Variants in XRCC3 observed in about 807,000 individuals in gnomAD.
XRCC3 encodes the protein DNA repair protein XRCC3.
A neutral mutation model predicts 29.2 loss-of-function variants in XRCC3; 34 were observed. That is an observed-to-expected ratio of 1.16 (90% CI 0.88 to 1.55). The LOEUF (loss-of-function observed/expected upper bound fraction) is 1.55. XRCC3 is among the 40% of genes most tolerant of loss of function. XRCC3 has a pLI of 0.00. For synonymous variants in XRCC3, 223 were observed against 211.3 expected (o/e 1.06, Z -0.48); for missense variants, 463 against 467.6 (o/e 0.99, Z 0.09).
chr14:103,701,664 G>A (rs1251341078), intron 7 of XRCC3: 1 of 154,208 alleles, frequency 6.5e-6, no homozygotes, highest in East Asian at 1.9e-4. Flanking sequence ...CACCAGGTCA[G>A]GAGATCGAGA....
At chr14:103,699,225 T>C (rs1332226568) in intron 8 of XRCC3, 46 bp from the exon 9 acceptor site, 7 of 1,543,990 alleles carry the variant, frequency 4.5e-6, no homozygotes, top group Non-Finnish European at 6.1e-6. Flanking sequence ...GAGGGTCTTC[T>C]CGATGGTTAG....
At chr14:103,711,773 C>G in intron 2 of XRCC3, 1 of 452,570 alleles carries the variant, frequency 2.2e-6, no homozygotes, top group Non-Finnish European at 4.4e-6. Context: ...CTCAGCTCTT[C>G]TCCCCTCCGG....
At chr14:103,700,729 T>G in intron 7 of XRCC3, 2 of 1,591,852 alleles carry the variant, frequency 1.3e-6, no homozygotes, top group South Asian at 1.1e-5. Flanking sequence ...ACCGCTAACG[T>G]GAGTCCCACG....
intron 7 of XRCC3, chr14:103,701,360 C>T (rs1043779561): frequency 1.2e-4 from 87 of 734,126 alleles, no homozygotes; most frequent in Middle Eastern, 3.7e-4. Context: ...AATAACCACA[C>T]GGCTGGCGTG....
intron 6 of XRCC3, chr14:103,703,894 G>A (rs1194244055): frequency 6.0e-6 from 1 of 166,736 alleles, no homozygotes. Flanking sequence ...GTGCACTGCC[G>A]CTAGGAATGT....
rs2083630125 is a variant in XRCC3 at position 103,711,540 on chromosome 14, AT to A, written c.-234del. ...GGCATCTCTTGCACTCTGCAGTTTA[AT>A]TTCCCTTAAGTGTCTCCCTGGGGAC... On this transcript the variant is annotated 5_prime_UTR_variant, in exon 3 of 10. The change abolishes the stop of an existing upstream ORF in the 5' untranslated region. Coordinates refer to ENST00000555055, the MANE Select transcript of XRCC3 (RefSeq NM_005432.4). The A allele has an allele frequency of 2.2e-6, 1 of 458,964 alleles. No homozygotes were observed. The highest frequency in any genetic ancestry group is 4.4e-6 in the Non-Finnish European group (1 of 228,930). 28.4% of individuals were successfully genotyped at this position (458,964 alleles called of 1,614,324 possible). A position where few individuals can be genotyped will look rare whatever the true frequency, so the allele number is the denominator to read the frequency against.
rs750457573 is a variant in XRCC3, at chr14:103,698,875, G to A, written c.964C>T (p.His322Tyr). Residue 322 changes from histidine to tyrosine, a missense_variant, in exon 10 of 10, where the codon CAC becomes TAC. Coordinates refer to ENST00000555055, the MANE Select transcript of XRCC3 (RefSeq NM_005432.4). Reference protein sequence around the residue: ...ARTLRVLSAPHLPPSSCSYTI... With the variant: ...ARTLRVLSAPYLPPSSCSYTI... ...TAGGAACAGGAGGAGGGGGGCAGGT[G>A]GGGGGCAGAGAGCACCCGCAGGGTC... 20 of 1,606,504 alleles carry A rather than the reference G, an allele frequency of 1.2e-5. No individual in the cohort carries two copies. Among genetic ancestry groups the A allele is most frequent in the Admixed American group, 1.7e-5 (1 of 59,258 alleles).
At chr14:103,708,755 G>GCTCT in intron 4 of XRCC3, 96 bp from the exon 5 acceptor site, 1 of 1,507,504 alleles carries the variant, frequency 6.6e-7, no homozygotes, top group Non-Finnish European at 9.1e-7. Context: ...CACTGTGAGA[G>GCTCT]CACCGTGCTT....
intron 1 of XRCC3, among the ~76,000 whole-genome samples, chr14:103,715,219 C>T (rs1237154008): frequency 6.6e-6 from 1 of 152,056 alleles, no homozygotes; most frequent in East Asian, 1.9e-4. Context: ...GGTGCCTGAA[C>T]GCTACCCGAG....
Position 103,703,175 on chromosome 14 carries a change from CA to C in XRCC3, c.558del (p.Asp186GlufsTer9). On this transcript the variant is annotated frameshift_variant, in exon 7 of 10. Coordinates refer to ENST00000555055, the MANE Select transcript of XRCC3 (RefSeq NM_005432.4). LOFTEE classifies it high-confidence loss of function. Reference sequence around the variant, plus strand: ...CATGGGGCTTCTCCCACACTCACCACATCGGCCACGTGCTCGATGAAGATCT... The same window carrying C: ...CATGGGGCTTCTCCCACACTCACCACTCGGCCACGTGCTCGATGAAGATCT... ...GSQIFIEHVA[D>X]VDTLLECVNK... 1 of 1,568,532 alleles carries C rather than the reference CA, an allele frequency of 6.4e-7. No individual in the cohort carries two copies. The highest frequency in any genetic ancestry group is 8.6e-7 in the Non-Finnish European group (1 of 1,156,768).
chr14:103,704,426 G>A, intron 6 of XRCC3: 1 of 152,288 alleles, frequency 6.6e-6, no homozygotes, highest in Non-Finnish European at 1.5e-5. Flanking sequence ...ATTTTTGAGA[G>A]ACAAGAGACT....
At chr14:103,700,674 CT>C in intron 7 of XRCC3, 2 of 1,607,758 alleles carry the variant, frequency 1.2e-6, no homozygotes, top group Non-Finnish European at 8.5e-7. Context: ...GGCCGAGCCT[CT>C]TTTTGTGGAA....
chr14:103,703,164 C>G lies in XRCC3; in HGVS notation c.561+9G>C. 6.4e-7 allele frequency: 1 copy of G among 1,565,178 alleles called. No individual in the cohort carries two copies. Among genetic ancestry groups the G allele is most frequent in the South Asian group, 1.2e-5 (1 of 85,826 alleles). ...CTTGGGGGTGTCATGGGGCTTCTCC[C>G]ACACTCACCACATCGGCCACGTGCT... On this transcript the variant is annotated intron_variant, in intron 7 of 9. Coordinates refer to ENST00000555055, the MANE Select transcript of XRCC3 (RefSeq NM_005432.4).
chr14:103,705,885 C>T (rs1180135603), intron 6 of XRCC3: 3 of 175,166 alleles, frequency 1.7e-5, no homozygotes, highest in Non-Finnish European at 3.7e-5. Flanking sequence ...ACGCTCGAGT[C>T]CCGCCTCCAC....
Position 103,703,182 on chromosome 14 carries a change from C to T in XRCC3, c.552G>A (p.Val184=). The change falls in exon 7 of 10, where the codon GTG becomes GTA. Residue 184 remains valine (V), a synonymous_variant. Coordinates refer to ENST00000555055, the MANE Select transcript of XRCC3 (RefSeq NM_005432.4). ...CTTCTCCCACACTCACCACATCGGC[C>T]ACGTGCTCGATGAAGATCTGGCTGC... The part of the protein sequence containing the change: ...RFGSQIFIEH[V]ADVDTLLECV... The T allele has an allele frequency of 6.4e-7, 1 of 1,571,020 alleles. No homozygotes were observed. Among genetic ancestry groups the T allele is most frequent in the Non-Finnish European group, 8.6e-7 (1 of 1,157,878 alleles).
intron 7 of XRCC3, chr14:103,701,184 T>C (rs527751359): frequency 8.4e-6 from 13 of 1,550,542 alleles, no homozygotes; most frequent in Non-Finnish European, 1.1e-5. Flanking sequence ...GCCCTGACCT[T>C]CTATCTTCTC....
intron 7 of XRCC3, chr14:103,701,107 G>A (rs939506714): frequency 2.0e-5 from 30 of 1,463,962 alleles, no homozygotes; most frequent in South Asian, 1.8e-4. Flanking sequence ...CAGACTTGGG[G>A]TGGGGGTTCC....
intron 6 of XRCC3, 130 bp from the exon 7 acceptor site, chr14:103,703,457 G>A: frequency 1.8e-6 from 2 of 1,128,964 alleles, no homozygotes; most frequent in Non-Finnish European, 2.6e-6. Context: ...CCCCTCGCCT[G>A]GGGAGGGAGG....
chr14:103,711,020 G>T lies in XRCC3; in HGVS notation c.55+13C>A. 6.2e-7 allele frequency: 1 copy of T among 1,613,856 alleles called. No individual in the cohort carries two copies. The highest frequency in any genetic ancestry group is 2.2e-5 in the East Asian group (1 of 44,888). On this transcript the variant is annotated intron_variant, in intron 4 of 9. Coordinates refer to ENST00000555055, the MANE Select transcript of XRCC3 (RefSeq NM_005432.4). ...CCCACCCACACCCTTTATGTAAATA[G>T]AAATAAATGTACCTTTCTTAATTGC...
Sources: gnomAD v4.1 joint callset for allele counts (sites outside exome capture counted in the v4.1 genomes callset) on GRCh38, gnomAD v4.1.1 for gene constraint, MANE v1.5 for transcripts, NCBI Gene and HGNC (gene_info 2026-07-23, HGNC 2026-07-21) for gene names.